FRYL: variants seen among roughly 807,000 people sequenced by gnomAD.
FRYL encodes protein furry homolog-like.
A neutral mutation model predicts 351.2 loss-of-function variants in FRYL; 150 were observed. That is an observed-to-expected ratio of 0.43 (90% CI 0.37 to 0.49). The LOEUF is 0.49. FRYL is among the 20% of genes least tolerant of loss of function. The pLI is 0.00. For missense variants in FRYL, 3,036 were observed against 3,619.3 expected (o/e 0.84, Z 4.13); for synonymous variants, 1,153 against 1,257.1 (o/e 0.92, Z 1.75).
rs1749544063 is a variant in FRYL at position 48,616,744 on chromosome 4, A to G, written c.411+2530T>C. Among the ~76,000 whole-genome samples the G allele has an allele frequency of 2.0e-5, 3 of 152,252 alleles. No individual in the cohort carries two copies. The South Asian group carries it at 6.2e-4, about 31-fold the overall frequency. ...CCTATAAGGAATATTTTACTCGTCA[A>G]GACTGAAACAACCATTTATCAACAC... On this transcript the variant is annotated intron_variant, in intron 7 of 63. Coordinates refer to ENST00000358350, the MANE Select transcript of FRYL (RefSeq NM_015030.2).
chr4:48,610,481 T>G (rs1471806191), intron 7 of FRYL, among the ~76,000 whole-genome samples: 6 of 151,644 alleles, frequency 4.0e-5, no homozygotes, highest in Non-Finnish European at 7.4e-5. Context: ...ATTCCTTAGT[T>G]TTACTTAACC....
In FRYL at chr4:48,499,380, A is replaced by G. The variant is rs775982557; in HGVS notation, c.*42T>C. The G allele has an allele frequency of 1.3e-6, 2 of 1,587,592 alleles. No homozygotes were observed. Among genetic ancestry groups the G allele is most frequent in the Admixed American group, 1.7e-5 (1 of 59,392 alleles). ...AAAAGGTGCTTGGTTAATATTCTTC[A>G]TCATCTTCAGTTTAGTTTCTTTCCT... On this transcript the variant is annotated 3_prime_UTR_variant, in exon 64 of 64. Coordinates refer to ENST00000358350, the MANE Select transcript of FRYL (RefSeq NM_015030.2).
At chr4:48,695,374 G>T (rs1766057790) in intron 2 of FRYL, among the ~76,000 whole-genome samples, 1 of 152,024 alleles carries the variant, frequency 6.6e-6, no homozygotes. Context: ...ATATGTAAAG[G>T]TCTCCGTCAT....
chr4:48,669,934 AT>A (rs1405245799), intron 3 of FRYL, among the ~76,000 whole-genome samples: 1 of 151,556 alleles, frequency 6.6e-6, no homozygotes, highest in Non-Finnish European at 1.5e-5. Flanking sequence ...TTTTTTTTAC[AT>A]TTTTTAAAAT....
intron 3 of FRYL, among the ~76,000 whole-genome samples, chr4:48,672,381 A>C (rs1190825482): frequency 6.6e-6 from 1 of 152,184 alleles, no homozygotes; most frequent in Non-Finnish European, 1.5e-5. Flanking sequence ...AAGATAACAG[A>C]GAAGACATGA....
rs1388570473 is a variant in FRYL at position 48,589,816 on chromosome 4, G to C, written c.1569C>G (p.Asp523Glu). The change falls in exon 18 of 64, where the codon GAC (aspartate) becomes GAG (glutamate). Residue 523 changes from aspartate to glutamate, a missense_variant. Physicochemically the swap from Asp to Glu is conservative, Grantham distance 45. Coordinates refer to ENST00000358350, the MANE Select transcript of FRYL (RefSeq NM_015030.2). ...TACACATTGGTCTCCCAACTTCTTT[G>C]TCCAAATGTCTGAGGATGCTATCTA... ...KALDSILRHL[D>E]KEVGRPMCMT... The C allele has an allele frequency of 1.2e-6, 2 of 1,613,662 alleles. No individual in the cohort carries two copies. The highest frequency in any genetic ancestry group is 3.3e-5 in the Admixed American group (2 of 60,018).
In FRYL at chr4:48,615,782, C is replaced by T. The variant is rs148664116; in HGVS notation, c.411+3492G>A. On this transcript the variant is annotated intron_variant, in intron 7 of 63. Transcript: ENST00000358350. The stretch of plus-strand genomic sequence containing the variant: ...TTTTATAAAATACTGGCCATTTCCA[C>T]TATTCACAATAGCAAAGACTTGGAA... Among the ~76,000 whole-genome samples, 252 of 152,264 alleles carry T rather than the reference C, an allele frequency of 1.7e-3. 2 individuals are homozygous for T. The highest frequency in any genetic ancestry group is 5.9e-3 in the African/African-American group (243 of 41,532).
intron 17 of FRYL, 116 bp downstream of exon 17, chr4:48,590,543 T>C: frequency 1.4e-6 from 1 of 703,422 alleles, no homozygotes; most frequent in African/African-American, 1.8e-5. Context: ...TGTATGGCTG[T>C]ATATACTAGA....
chr4:48,500,126 G>T lies in FRYL; in HGVS notation c.8687C>A (p.Ala2896Asp). 2 of 1,601,994 alleles carry T rather than the reference G, an allele frequency of 1.2e-6. No individual in the cohort carries two copies. The highest frequency in any genetic ancestry group is 1.7e-6 in the Non-Finnish European group (2 of 1,176,230). ...SENEEIDISKAAQTTIETAIH... is the reference protein window; with the variant it reads ...SENEEIDISKDAQTTIETAIH... ...GGCAGTTTCTATAGTAGTTTGTGCA[G>T]CTTTGGAAATGTCAATTTCTTCGTT... Residue 2896 changes from alanine (A) to aspartate (D), a missense_variant, in exon 63 of 64, where the codon GCT becomes GAT. Around this residue, in one of 7 missense-constraint regions of FRYL, gnomAD observed 1,987 missense variants for 2,311.7 expected, o/e 0.86. Coordinates refer to ENST00000358350, the MANE Select transcript of FRYL (RefSeq NM_015030.2).
intron 27 of FRYL, among the ~76,000 whole-genome samples, chr4:48,570,185 C>T (rs1289441182): frequency 6.6e-6 from 1 of 152,086 alleles, no homozygotes; most frequent in East Asian, 1.9e-4. Flanking sequence ...ATTTCTCCTT[C>T]AACGGTCAGG....
At chr4:48,664,927 G>A (rs1046493190) in intron 3 of FRYL, among the ~76,000 whole-genome samples, 1 of 152,174 alleles carries the variant, frequency 6.6e-6, no homozygotes, top group Non-Finnish European at 1.5e-5. Context: ...TTCAGGTCAT[G>A]TCCAAATTAA....
At chr4:48,633,990 G>A (rs1023579596) in intron 4 of FRYL, among the ~76,000 whole-genome samples, 1 of 152,098 alleles carries the variant, frequency 6.6e-6, no homozygotes, top group African/African-American at 2.4e-5. Context: ...TGTAAAATAT[G>A]TTCTCTTGTT....
In FRYL at chr4:48,575,085, A is replaced by G. The variant is rs753311803; in HGVS notation, c.2846+32T>C. On this transcript the variant is annotated intron_variant, in intron 25 of 63. Transcript: ENST00000358350. ...TTCTAAGTAGCACATTTATTCTTTTAGGACATAGAAAAAATGTACGAACAT... is the reference window on the plus strand; with the variant it reads ...TTCTAAGTAGCACATTTATTCTTTTGGGACATAGAAAAAATGTACGAACAT... 9.3e-6 allele frequency: 15 copies of G among 1,608,008 alleles called. No homozygotes were observed. In the Middle Eastern group the frequency reaches 4.9e-4, roughly 53 times the overall value.
chr4:48,708,396 G>C (rs533028932), intron 2 of FRYL, among the ~76,000 whole-genome samples: 1 of 152,256 alleles, frequency 6.6e-6, no homozygotes, highest in South Asian at 2.1e-4. Flanking sequence ...GAACCTGGGA[G>C]GTGGAAGTTG....
At chr4:48,512,904 C>T (rs1722781446) in intron 56 of FRYL, among the ~76,000 whole-genome samples, 1 of 152,160 alleles carries the variant, frequency 6.6e-6, no homozygotes, top group African/African-American at 2.4e-5. Flanking sequence ...ACTCTAATTT[C>T]AAGCAACTAC....
chr4:48,643,724 G>T (rs1376425223), intron 3 of FRYL, among the ~76,000 whole-genome samples: 1 of 152,002 alleles, frequency 6.6e-6, no homozygotes, highest in East Asian at 1.9e-4. Context: ...AATAGAAAAT[G>T]ATTTTAAAAG....
chr4:48,776,676 G>C (rs1049489761), intron 1 of FRYL, among the ~76,000 whole-genome samples: 1 of 152,128 alleles, frequency 6.6e-6, no homozygotes, highest in Admixed American at 6.5e-5. Context: ...TTGCAGACAA[G>C]GTGACATCTG....
At position 48,602,061 on chromosome 4, in the gene FRYL, T is replaced by C. The variant is rs773430785; in HGVS notation, c.994A>G (p.Asn332Asp). Residue 332 changes from asparagine (N) to aspartate (D), a missense_variant, in exon 13 of 64, where the codon AAC becomes GAC. By Grantham distance (23) the Asn-to-Asp change is conservative. This residue lies in a region of FRYL where 457 missense variants were observed against 566.6 expected (regional missense o/e 0.81). Transcript: ENST00000358350. The part of the protein sequence containing the change: ...CVSQKQFFLN[N>D]WHIFLQNCLS... ...CAGTTCTGTAGGAAAATATGCCAGT[T>C]ATTTAAAAAAAATTGTTTCTGACTG... 1 of 1,602,366 alleles carries C rather than the reference T, an allele frequency of 6.2e-7. No individual in the cohort carries two copies. Among genetic ancestry groups the C allele is most frequent in the Non-Finnish European group, 8.5e-7 (1 of 1,169,924 alleles).
At chr4:48,568,927 G>C (rs1476686244) in intron 27 of FRYL, among the ~76,000 whole-genome samples, 1 of 152,082 alleles carries the variant, frequency 6.6e-6, no homozygotes, top group Non-Finnish European at 1.5e-5. Flanking sequence ...ACAAAACAAA[G>C]CTCCCTGTCT....
Sources: allele counts gnomAD v4.1 joint callset (sites outside exome capture counted in the v4.1 genomes callset), GRCh38; gene constraint gnomAD v4.1.1; regional missense constraint gnomAD v4.1.1; transcripts MANE v1.5; gene names NCBI Gene and HGNC (gene_info 2026-07-23, HGNC 2026-07-21).